Variants in OPLAH observed in about 807,000 individuals in gnomAD.
The protein encoded by OPLAH is 5-oxoprolinase.
A neutral mutation model predicts 122.8 loss-of-function variants in OPLAH; 103 were observed. The observed-to-expected ratio is 0.84, with a 90% CI of 0.71 to 0.99. The LOEUF is 0.99. Among genes scored for constraint, OPLAH ranks in the 50% least tolerant of loss-of-function variants. The pLI, the probability that OPLAH is intolerant of heterozygous loss-of-function variation, is 0.00. For synonymous variants in OPLAH, 875 were observed against 796.0 expected, an observed-to-expected ratio of 1.10 and a Z score of -1.67; for missense variants, 1,902 against 1,836.5, an observed-to-expected ratio of 1.04 and a Z score of -0.65.
downstream of OPLAH, chr8:144,050,542 A>G: frequency 1.0e-6 from 1 of 985,614 alleles, no homozygotes; most frequent in Non-Finnish European, 1.2e-6. Context: ...TCTGCAGACC[A>G]CCGGCTAGAG....
Position 144,052,832 on chromosome 8 carries a change from G to T in OPLAH, c.3087C>A (p.Ala1029=). 6.4e-7 allele frequency: 1 copy of T among 1,557,058 alleles called. No homozygotes were observed. The highest frequency in any genetic ancestry group is 1.2e-5 in the South Asian group (1 of 84,494). ...EVFGNLNAPR[A]VTLSALIYCL... ...AGTAGATGAGGGCGGACAGGGTTAC[G>T]GCCCGCGGTGCGTTGAGATTACCAA... is the stretch of plus-strand genomic sequence containing the variant. The change falls in exon 22 of 27, where the codon GCC becomes GCA. Residue 1029 remains alanine, a synonymous_variant. Coordinates refer to ENST00000618853, the MANE Select transcript of OPLAH (RefSeq NM_017570.5).
chr8:144,060,315 G>T (rs1554760660), intron 1 of OPLAH, among the ~76,000 whole-genome samples: 1 of 152,202 alleles, frequency 6.6e-6, no homozygotes, highest in East Asian at 1.9e-4. Context: ...GCCCTGGACT[G>T]GGCCGAAACC....
chr8:144,056,101 C>T, intron 15 of OPLAH, 46 bp downstream of exon 15: 1 of 1,566,216 alleles, frequency 6.4e-7, no homozygotes, highest in South Asian at 1.1e-5. Context: ...AGGGGCCCCG[C>T]AGTGGACCCG....
At chr8:144,060,897 G>T (rs1424560523), upstream of OPLAH, among the ~76,000 whole-genome samples, 2 of 152,256 alleles carry the variant, frequency 1.3e-5, no homozygotes, top group Admixed American at 1.3e-4. Context: ...GGTCTCCGGC[G>T]CCGGGCCTGG....
chr8:144,050,957 G>A, downstream of OPLAH: 1 of 1,045,462 alleles, frequency 9.6e-7, no homozygotes, highest in Non-Finnish European at 1.2e-6. Context: ...TGGAGCAGGA[G>A]AAAGGGCGCC....
chr8:144,051,428 G>A lies in OPLAH; in HGVS notation c.3765C>T (p.Asp1255=). The A allele has an allele frequency of 1.3e-6, 2 of 1,567,534 alleles. No homozygotes were observed. Among genetic ancestry groups the A allele is most frequent in the South Asian group, 1.1e-5 (1 of 88,066 alleles). Reference sequence around the variant, plus strand: ...CCGGCGGTGGGGCGGGGTCCTCCGGGTCCCCATAGCCACCGCCGCCGGGCG... The same window carrying A: ...CCGGCGGTGGGGCGGGGTCCTCCGGATCCCCATAGCCACCGCCGCCGGGCG... ...LHTPGGGGYG[D]PEDPAPPPGS... The change falls in exon 27 of 27, where the codon GAC becomes GAT. Residue 1255 remains aspartate (D), a synonymous_variant. Transcript: ENST00000618853.
chr8:144,051,503 G>T, intron 26 of OPLAH, 31 bp from the exon 27 acceptor site: 2 of 1,366,514 alleles, frequency 1.5e-6, no homozygotes, highest in Non-Finnish European at 9.8e-7. Flanking sequence ...GGGGAGGCGG[G>T]CTCAGTGCAG....
chr8:144,055,906 C>T lies in OPLAH; in HGVS notation c.2130G>A (p.Glu710=). 6.3e-7 allele frequency: 1 copy of T among 1,587,972 alleles called. No individual in the cohort carries two copies. Among genetic ancestry groups the T allele is most frequent in the Non-Finnish European group, 8.6e-7 (1 of 1,167,338 alleles). The part of the protein sequence containing the change: ...TILVEPGCQA[E]VTKTGDICIS... The stretch of plus-strand genomic sequence containing the variant: ...TGCAGATGTCCCCTGTCTTGGTCAC[C>T]TCTGCCTGGCAACCTGGCTCCACCA... Residue 710 remains glutamate, a synonymous_variant, in exon 16 of 27, where the codon GAG becomes GAA. Transcript: ENST00000618853. This position sits in a 1 kb window ranked among gnomAD's most constrained non-coding sequence, Gnocchi z 6.5.
intron 1 of OPLAH, 90 bp from the exon 2 acceptor site, chr8:144,060,175 G>A: frequency 1.1e-6 from 1 of 928,906 alleles, no homozygotes; most frequent in South Asian, 1.7e-5. Context: ...CTGAGGGAGA[G>A]ACCCACGGGC....
In OPLAH at chr8:144,054,659, G is replaced by A. The variant is rs782737966; in HGVS notation, c.2588C>T (p.Thr863Ile). The A allele has an allele frequency of 2.7e-5, 44 of 1,612,542 alleles. No homozygotes were observed. The highest frequency in any genetic ancestry group is 3.3e-4 in the Middle Eastern group (2 of 6,060). Reference sequence around the variant, plus strand: ...GGAGTGGGGGGGCATGGAGCCTGGTGTGATGCCCCCGATGTCTGCGTGGTG... The same window carrying A: ...GGAGTGGGGGGGCATGGAGCCTGGTATGATGCCCCCGATGTCTGCGTGGTG... The part of the protein sequence containing the change: ...RGHHADIGGI[T>I]PGSMPPHSTM... The change falls in exon 19 of 27, where the codon ACA becomes ATA. Residue 863 changes from threonine to isoleucine, a missense_variant. This residue lies in a region of OPLAH where 1,726 missense variants were observed against 1,642.1 expected (regional missense o/e 1.05). Transcript: ENST00000618853.
chr8:144,060,116 C>G, intron 1 of OPLAH, 31 bp from the exon 2 acceptor site: 1 of 1,459,046 alleles, frequency 6.9e-7, no homozygotes, highest in Non-Finnish European at 9.2e-7. Flanking sequence ...CCCGGGCTCA[C>G]CTGCGAGTGG....
chr8:144,056,860 C>A (rs1554759334), intron 12 of OPLAH, 88 bp downstream of exon 12: 1 of 1,514,834 alleles, frequency 6.6e-7, no homozygotes, highest in East Asian at 2.4e-5. Flanking sequence ...CACCCCGGGA[C>A]CACCTGGGAA....
At chr8:144,060,181 C>A in intron 1 of OPLAH, 96 bp from the exon 2 acceptor site, 1 of 866,746 alleles carries the variant, frequency 1.2e-6, no homozygotes, top group Non-Finnish European at 1.7e-6. Flanking sequence ...GAGAGACCCA[C>A]GGGCACGACT....
At chr8:144,062,132 C>T (rs973376777), upstream of OPLAH, among the ~76,000 whole-genome samples, 16 of 152,228 alleles carry the variant, frequency 1.1e-4, no homozygotes, top group African/African-American at 3.1e-4. Flanking sequence ...TTTAGGCACT[C>T]GCCCTGAATT....
Position 144,055,318 on chromosome 8 carries a change from G to A in OPLAH, c.2249-129C>T. 2 of 999,858 alleles carry A rather than the reference G, an allele frequency of 2.0e-6. No homozygotes were observed. 61.9% of individuals were successfully genotyped at this position (999,858 alleles called of 1,614,324 possible). ...AAAAACCCAGCAGCTTTTTCCTGGG[G>A]AAGACCAAGTTGACGGTGTGCCCAC... On this transcript the variant is annotated intron_variant, in intron 16 of 26. Transcript: ENST00000618853. The surrounding 1 kb of genome is among the most constrained non-coding windows in gnomAD (Gnocchi z 6.5).
At chr8:144,058,474 T>C (rs1835584684) in intron 6 of OPLAH, 22 bp downstream of exon 6, 1 of 1,575,648 alleles carries the variant, frequency 6.3e-7, no homozygotes, top group Admixed American at 1.7e-5. Flanking sequence ...GAGTGGGCAG[T>C]GGGGGTGCCT....
Position 144,057,463 on chromosome 8 carries a change from G to T in OPLAH, c.1407C>A (p.Ile469=). 6.3e-7 allele frequency: 1 copy of T among 1,589,168 alleles called. No individual in the cohort carries two copies. Among genetic ancestry groups the T allele is most frequent in the Non-Finnish European group, 8.6e-7 (1 of 1,168,180 alleles). The change falls in exon 10 of 27, where the codon ATC becomes ATA. Residue 469 remains isoleucine, a synonymous_variant. Coordinates refer to ENST00000618853, the MANE Select transcript of OPLAH (RefSeq NM_017570.5). ...RVANEAMCRP[I]RALTQARGHD... The stretch of plus-strand genomic sequence containing the variant: ...GTGGACGTACCTGCGTGAGTGCACG[G>T]ATGGGCCGGCACATGGCCTCGTTGG...
Position 144,051,482 on chromosome 8 carries a change from C to A in OPLAH, c.3721-10G>T. 2 of 278,382 alleles carry A rather than the reference C, an allele frequency of 7.2e-6. No homozygotes were observed. Among genetic ancestry groups the A allele is most frequent in the African/African-American group, 1.0e-4 (1 of 9,564 alleles). 17.2% of individuals were successfully genotyped at this position (278,382 alleles called of 1,614,324 possible). On this transcript the variant is annotated splice_polypyrimidine_tract_variant and intron_variant, in intron 26 of 26. Transcript: ENST00000618853. Reference sequence around the variant, plus strand: ...GGAGACAGAACACATCCTGTTGGCGCGGGGGGGGGCGGGGAGGCGGGCTCA... The same window carrying A: ...GGAGACAGAACACATCCTGTTGGCGAGGGGGGGGGCGGGGAGGCGGGCTCA...
At chr8:144,053,184 C>T (rs1213224009) in intron 20 of OPLAH, 25 bp downstream of exon 20, 1 of 1,610,890 alleles carries the variant, frequency 6.2e-7, no homozygotes. Flanking sequence ...GGCCCTGCCG[C>T]CCACACTCCT....
Sources: gnomAD v4.1 joint callset for allele counts (sites outside exome capture counted in the v4.1 genomes callset) on GRCh38, gnomAD v4.1.1 for gene constraint, gnomAD v4.1.1 regional missense constraint, Gnocchi (gnomAD v3.1) non-coding constraint, MANE v1.5 for transcripts, NCBI Gene and HGNC (gene_info 2026-07-23, HGNC 2026-07-21) for gene names.